SOAT1: variants seen among roughly 807,000 people sequenced by gnomAD.
The protein encoded by SOAT1 is acyl-coenzyme A:cholesterol acyltransferase 1.
Under a neutral mutation model 69.5 loss-of-function variants are expected in SOAT1, and 55 were observed. The ratio of observed to expected loss-of-function variants is 0.79; its 90% CI spans 0.64 to 0.99. The LOEUF is 0.99. Ranked by LOEUF, SOAT1 falls within the 50% of genes least tolerant of loss-of-function variation. The probability of loss-of-function intolerance (pLI) is 0.00; values close to 1 mark genes in which losing one functional copy is unlikely to be tolerated. For synonymous variants in SOAT1, 231 were observed against 224.7 expected, an observed-to-expected ratio of 1.03 and a Z score of -0.25; for missense variants, 580 against 669.3, an observed-to-expected ratio of 0.87 and a Z score of 1.47.
intron 3 of SOAT1, among the ~76,000 whole-genome samples, chr1:179,333,670 C>A (rs1010562055): frequency 1.3e-5 from 2 of 151,954 alleles, no homozygotes; most frequent in Non-Finnish European, 2.9e-5. Flanking sequence ...CCCGTCTCTA[C>A]TAAAAGTACA....
intron 2 of SOAT1, among the ~76,000 whole-genome samples, chr1:179,310,081 G>A (rs911780156): frequency 2.6e-5 from 4 of 151,808 alleles, no homozygotes; most frequent in African/African-American, 9.7e-5. Flanking sequence ...TGTATTTTTA[G>A]TAGAGACAGG....
intron 14 of SOAT1, among the ~76,000 whole-genome samples, chr1:179,351,017 C>CTTTTTTTTTTTTTT (rs1558060562): frequency 7.2e-5 from 1 of 13,954 alleles, no homozygotes; most frequent in African/African-American, 3.1e-4. Context: ...CTGTATATTT[C>CTTTTTTTTTTTTTT]TTTCTTTTTT....
intron 2 of SOAT1, among the ~76,000 whole-genome samples, chr1:179,309,799 C>G (rs1665156426): frequency 6.6e-6 from 1 of 151,832 alleles, no homozygotes; most frequent in African/African-American, 2.4e-5. Flanking sequence ...TGTCTTTTGA[C>G]TTTGCTTATG....
Position 179,357,107 on chromosome 1 carries a change from A to G in SOAT1, c.*3466A>G, listed in dbSNP as rs1020468398. On this transcript the variant is annotated 3_prime_UTR_variant, in exon 16 of 16. Transcript: ENST00000367619. ...TGTATACATACACTGTATACACACA[A>G]AGGTCTGTTCTGGGTATTTTATGTA... 1.3e-5 allele frequency: 2 copies of G among 152,332 alleles called. No homozygotes were observed. The highest frequency in any genetic ancestry group is 4.8e-5 in the African/African-American group (2 of 41,460). The allele number at this position is 152,332 out of a possible 1,614,324, so 9.4% of individuals were successfully genotyped here. A position where few individuals can be genotyped will look rare whatever the true frequency, so the allele number is the denominator to read the frequency against.
At chr1:179,351,970 G>A (rs1367548407) in intron 15 of SOAT1, among the ~76,000 whole-genome samples, 2 of 151,540 alleles carry the variant, frequency 1.3e-5, no homozygotes, top group African/African-American at 2.4e-5. Context: ...CGCCCACCTC[G>A]GCCTCCCAGA....
intron 3 of SOAT1, among the ~76,000 whole-genome samples, chr1:179,324,632 G>A (rs997200563): frequency 2.6e-5 from 4 of 152,178 alleles, no homozygotes; most frequent in African/African-American, 9.7e-5. Flanking sequence ...TAAGCCTCCA[G>A]CACTACAGTG....
intron 1 of SOAT1, among the ~76,000 whole-genome samples, chr1:179,297,733 CAA>C (rs376641077): frequency 6.7e-5 from 8 of 119,228 alleles, no homozygotes; most frequent in Admixed American, 1.8e-4. Context: ...GACTCCGTCT[CAA>C]AAAAAAAAAA....
At chr1:179,326,849 C>T (rs765449108) in intron 3 of SOAT1, among the ~76,000 whole-genome samples, 4 of 152,018 alleles carry the variant, frequency 2.6e-5, no homozygotes, top group Admixed American at 1.3e-4. Context: ...CATGAGCCAC[C>T]GCACCCAGCC....
chr1:179,325,810 T>G (rs1665769695), intron 3 of SOAT1, among the ~76,000 whole-genome samples: 1 of 152,164 alleles, frequency 6.6e-6, no homozygotes, highest in African/African-American at 2.4e-5. Context: ...AGGGGGGATG[T>G]TCCAAGGATT....
rs1281962166 is a variant in SOAT1, at chr1:179,351,378, G to C, written c.1512G>C (p.Trp504Cys). The part of the protein sequence containing the change: ...RKKPIWNVLM[W>C]TSLFLGNGVL... The stretch of plus-strand genomic sequence containing the variant: ...AGCCGATTTGGAATGTTCTGATGTG[G>C]ACTTCTCTTTTCTTGGGCAATGGAG... Residue 504 changes from tryptophan to cysteine, a missense_variant, in exon 15 of 16, where the codon TGG becomes TGC. Transcript: ENST00000367619. The C allele has an allele frequency of 6.2e-7, 1 of 1,613,904 alleles. No homozygotes were observed. The highest frequency in any genetic ancestry group is 1.3e-5 in the African/African-American group (1 of 74,914).
chr1:179,338,313 G>A (rs559341044), intron 5 of SOAT1, among the ~76,000 whole-genome samples: 83 of 152,258 alleles, frequency 5.5e-4, no homozygotes, highest in African/African-American at 1.9e-3. Context: ...GCTTGAGCCC[G>A]GAAGGGTGGA....
rs1057395829 is a variant in SOAT1 at position 179,352,957 on chromosome 1, C to CA, written c.1597-625dup. Among the ~76,000 whole-genome samples, 23 of 151,310 alleles carry CA rather than the reference C, an allele frequency of 1.5e-4. 1 individual carries two copies. In the South Asian group the frequency reaches 2.3e-3, roughly 15 times the overall value. Reference sequence around the variant, plus strand: ...TGCCACATCTTCCATGATGATTTTTCAAATGCTTGCTTCCCTCTCTTTCCT... The same window carrying CA: ...TGCCACATCTTCCATGATGATTTTTCAAAATGCTTGCTTCCCTCTCTTTCCT... On this transcript the variant is annotated intron_variant, in intron 15 of 15. Coordinates refer to ENST00000367619, the MANE Select transcript of SOAT1 (RefSeq NM_003101.6).
intron 15 of SOAT1, 114 bp from the exon 16 acceptor site, chr1:179,353,471 G>A: frequency 3.4e-6 from 3 of 892,198 alleles, no homozygotes; most frequent in South Asian, 1.4e-5. Context: ...TGTTGAAATG[G>A]TGGGAGGCAT....
intron 4 of SOAT1, 55 bp downstream of exon 4, chr1:179,335,712 G>A: frequency 6.7e-7 from 1 of 1,488,740 alleles, no homozygotes; most frequent in East Asian, 2.3e-5. Context: ...TAGTTCAATG[G>A]TGAAAATGGA....
intron 3 of SOAT1, among the ~76,000 whole-genome samples, chr1:179,331,802 G>A (rs1412786637): frequency 1.3e-5 from 2 of 152,166 alleles, no homozygotes; most frequent in African/African-American, 4.8e-5. Context: ...CCTAAGCACT[G>A]TATTACCTGT....
In SOAT1 at chr1:179,307,602, G is replaced by C. The variant is rs562727111; in HGVS notation, c.118+4800G>C. The stretch of plus-strand genomic sequence containing the variant: ...GGTCTTAACTACTGGAAGATTTGCA[G>C]ACTTCAAAAAAAAATAGGACTTGAA... On this transcript the variant is annotated intron_variant, in intron 2 of 15. Coordinates refer to ENST00000367619, the MANE Select transcript of SOAT1 (RefSeq NM_003101.6). Among the ~76,000 whole-genome samples the C allele has an allele frequency of 4.3e-5, 6 of 138,680 alleles. No individual in the cohort carries two copies. The East Asian group carries it at 7.9e-4, about 18-fold the overall frequency. The allele number at this position is 138,680 out of a possible 152,430, so 91.0% of individuals were successfully genotyped here.
At chr1:179,296,127 G>A (rs1664631333) in intron 1 of SOAT1, among the ~76,000 whole-genome samples, 1 of 151,466 alleles carries the variant, frequency 6.6e-6, no homozygotes, top group Admixed American at 6.6e-5. Flanking sequence ...AGCTCACCCG[G>A]CTAATTTTTG....
chr1:179,315,545 G>GTTC (rs1665362791), intron 2 of SOAT1, among the ~76,000 whole-genome samples: 1 of 151,882 alleles, frequency 6.6e-6, no homozygotes, highest in Non-Finnish European at 1.5e-5. Context: ...ATTTTAAATT[G>GTTC]TAGAAAGTTA....
At chr1:179,314,789 C>T (rs1292065938) in intron 2 of SOAT1, among the ~76,000 whole-genome samples, 1 of 152,044 alleles carries the variant, frequency 6.6e-6, no homozygotes, top group African/African-American at 2.4e-5. Context: ...TTCATCAAAA[C>T]TGGTTAAAAT....
Sources: allele counts gnomAD v4.1 joint callset (sites outside exome capture counted in the v4.1 genomes callset), GRCh38; gene constraint gnomAD v4.1.1; transcripts MANE v1.5; gene names NCBI Gene and HGNC (gene_info 2026-07-23, HGNC 2026-07-21).